Variants in RAD51B observed in about 807,000 individuals in gnomAD.
The protein encoded by RAD51B is DNA repair protein RAD51 homolog 2.
RAD51B carries 38 observed loss-of-function variants against 42.2 expected under a neutral mutation model. The ratio of observed to expected loss-of-function variants is 0.90; its 90% confidence interval spans 0.70 to 1.18. The LOEUF (loss-of-function observed/expected upper bound fraction) is 1.18, where lower values mean the gene tolerates loss of function less well. Ranked by LOEUF, RAD51B falls within the 50% of genes most tolerant of loss-of-function variation. RAD51B has a pLI of 0.00. For synonymous variants in RAD51B, 154 were observed against 145.2 expected (o/e 1.06, Z -0.43); for missense variants, 373 against 400.7 (o/e 0.93, Z 0.59).
At chr14:68,286,061 A>G (rs2081409287) in intron 7 of RAD51B, among the ~76,000 whole-genome samples, 1 of 152,162 alleles carries the variant, frequency 6.6e-6, no homozygotes, top group Non-Finnish European at 1.5e-5. Flanking sequence ...TCTGGATATT[A>G]GATTTATTTG....
At chr14:67,967,173 A>G (rs1423972993) in intron 7 of RAD51B, among the ~76,000 whole-genome samples, 2 of 152,176 alleles carry the variant, frequency 1.3e-5, no homozygotes, top group Non-Finnish European at 2.9e-5. Flanking sequence ...CACTACCACG[A>G]AAACAGTGTG....
At chr14:68,650,821 C>A in exon 11 of RAD51B, 1 of 761,102 alleles carries the variant, frequency 1.3e-6, no homozygotes, top group Admixed American at 1.7e-5. Flanking sequence ...CAATCCAGAA[C>A]AGACTAAAAG....
At chr14:67,971,332 T>C (rs17104815) in intron 7 of RAD51B, among the ~76,000 whole-genome samples, 4,027 of 152,206 alleles carry the variant, frequency 0.026, 182 homozygotes, top group African/African-American at 0.092. Flanking sequence ...TATCTGCAGA[T>C]TTGAGAGTTG....
chr14:68,207,269 C>T lies in RAD51B; in HGVS notation c.757-84615C>T, dbSNP rs557289761. ...ACACACACATATACACCTACATATG[C>T]ATATATGCATATTTTAGAAATCATG... On this transcript the variant is annotated intron_variant, in intron 7 of 10. Transcript: ENST00000471583. Among the ~76,000 whole-genome samples the T allele has an allele frequency of 7.9e-5, 12 of 152,278 alleles. No homozygotes were observed. The East Asian group carries it at 2.3e-3, about 29-fold the overall frequency.
At chr14:67,941,597 GCTAAA>G (rs1229334373) in intron 7 of RAD51B, among the ~76,000 whole-genome samples, 1 of 152,200 alleles carries the variant, frequency 6.6e-6, no homozygotes, top group African/African-American at 2.4e-5. Flanking sequence ...CCAGCTTAGA[GCTAAA>G]GTTGACTCTG....
At chr14:68,433,677 T>C (rs2085072321) in intron 9 of RAD51B, among the ~76,000 whole-genome samples, 1 of 152,238 alleles carries the variant, frequency 6.6e-6, no homozygotes. Flanking sequence ...TTTAGCTTCT[T>C]TGCGATGGGC....
At chr14:68,589,532 T>C (rs1890645947) in intron 10 of RAD51B, among the ~76,000 whole-genome samples, 1 of 152,180 alleles carries the variant, frequency 6.6e-6, no homozygotes, top group South Asian at 2.1e-4. Context: ...CCTCTCCCTT[T>C]CTCTGCTGCT....
intron 7 of RAD51B, among the ~76,000 whole-genome samples, chr14:68,206,554 C>G (rs779596316): frequency 6.6e-6 from 1 of 152,210 alleles, no homozygotes; most frequent in Non-Finnish European, 1.5e-5. Context: ...CATCTCTTAC[C>G]AGTTTGTACT....
chr14:68,630,729 G>A (rs56388123), intron 10 of RAD51B, among the ~76,000 whole-genome samples: 1 of 151,408 alleles, frequency 6.6e-6, no homozygotes, highest in African/African-American at 2.4e-5. Flanking sequence ...CCTTTTTTTC[G>A]TATGTTCTAC....
chr14:68,140,005 G>A (rs748177126), intron 7 of RAD51B, among the ~76,000 whole-genome samples: 2 of 152,218 alleles, frequency 1.3e-5, no homozygotes, highest in Non-Finnish European at 2.9e-5. Flanking sequence ...TTGGGGAGCA[G>A]CAGGTGCCTC....
At chr14:67,896,204 A>G (rs1257863916) in intron 7 of RAD51B, among the ~76,000 whole-genome samples, 1 of 152,172 alleles carries the variant, frequency 6.6e-6, no homozygotes, top group African/African-American at 2.4e-5. Flanking sequence ...TAGTTAGGCA[A>G]TTTTTGAAAT....
rs535483234 is a variant in RAD51B, at chr14:68,271,963, G to A, written c.757-19921G>A. On this transcript the variant is annotated intron_variant, in intron 7 of 10. Coordinates refer to ENST00000471583, the MANE Select transcript of RAD51B (RefSeq NM_133510.4). Reference sequence around the variant, plus strand: ...TTCTCCAGGGGGAAGTAAGGCAAATGCATGAAGTTATCTTTGTGAGATACT... The same window carrying A: ...TTCTCCAGGGGGAAGTAAGGCAAATACATGAAGTTATCTTTGTGAGATACT... 6.6e-5 allele frequency among the ~76,000 whole-genome samples: 10 copies of A among 152,320 alleles called. No individual in the cohort carries two copies. The South Asian group carries it at 2.1e-3, about 32-fold the overall frequency.
intron 7 of RAD51B, among the ~76,000 whole-genome samples, chr14:68,224,263 A>G (rs2079990346): frequency 6.6e-6 from 1 of 152,144 alleles, no homozygotes; most frequent in Non-Finnish European, 1.5e-5. Flanking sequence ...CTCTGTTACA[A>G]TTCTTGGATA....
chr14:68,306,890 T>G (rs1036891017), intron 8 of RAD51B, among the ~76,000 whole-genome samples: 2 of 152,142 alleles, frequency 1.3e-5, no homozygotes, highest in Non-Finnish European at 2.9e-5. Flanking sequence ...ACGAGGAGAC[T>G]CAGGAGAAAG....
chr14:68,336,462 T>C (rs1298702949), intron 8 of RAD51B, among the ~76,000 whole-genome samples: 1 of 152,222 alleles, frequency 6.6e-6, no homozygotes, highest in Non-Finnish European at 1.5e-5. Context: ...GGGCTACCCA[T>C]GGGAGATGTG....
At chr14:68,605,907 T>G (rs1316312689) in intron 10 of RAD51B, among the ~76,000 whole-genome samples, 1 of 151,988 alleles carries the variant, frequency 6.6e-6, no homozygotes, top group African/African-American at 2.4e-5. Flanking sequence ...CTAAGTGTGG[T>G]TGGTAGGTAG....
chr14:68,500,287 A>G (rs1451897085), intron 10 of RAD51B, among the ~76,000 whole-genome samples: 2 of 152,228 alleles, frequency 1.3e-5, no homozygotes, highest in Non-Finnish European at 2.9e-5. Context: ...TCCTCGAAAC[A>G]ATCCTACATG....
chr14:68,484,234 T>C (rs1458003268), intron 10 of RAD51B, among the ~76,000 whole-genome samples: 2 of 152,212 alleles, frequency 1.3e-5, no homozygotes, highest in Non-Finnish European at 2.9e-5. Context: ...AGGCCATGTT[T>C]GCTGAGAGCC....
chr14:67,965,301 CT>C lies in RAD51B; in HGVS notation c.756+78098del, dbSNP rs1327311537. Among the ~76,000 whole-genome samples, 176 of 152,290 alleles carry C rather than the reference CT, an allele frequency of 1.2e-3. 1 individual carries two copies. Among genetic ancestry groups the C allele is most frequent in the African/African-American group, 2.4e-3 (99 of 41,542 alleles). On this transcript the variant is annotated intron_variant, in intron 7 of 10. Coordinates refer to ENST00000471583, the MANE Select transcript of RAD51B (RefSeq NM_133510.4). ...AATCTGTCAACAAGTCCTGTTTCTTCTATCACTAAAATTGCTTTTTGACTTT... is the reference window on the plus strand; with the variant it reads ...AATCTGTCAACAAGTCCTGTTTCTTCATCACTAAAATTGCTTTTTGACTTT...
Sources: gnomAD v4.1 joint callset for allele counts (sites outside exome capture counted in the v4.1 genomes callset) on GRCh38, gnomAD v4.1.1 for gene constraint, MANE v1.5 for transcripts, NCBI Gene and HGNC (gene_info 2026-07-23, HGNC 2026-07-21) for gene names.